Variants in CRACD observed in about 807,000 individuals in gnomAD.
The protein encoded by CRACD is capping protein inhibiting regulator of actin dynamics.
CRACD carries 56 observed loss-of-function variants against 106.8 expected under a neutral mutation model. That is an observed-to-expected ratio of 0.52 (90% confidence interval 0.42 to 0.66). The LOEUF (loss-of-function observed/expected upper bound fraction) is 0.66. CRACD is among the 30% of genes least tolerant of loss of function. The probability of loss-of-function intolerance (pLI) is 0.00; values close to 1 mark genes in which losing one functional copy is unlikely to be tolerated. For synonymous variants in CRACD, 754 were observed against 670.8 expected (o/e 1.12, Z -1.92); for missense variants, 1,730 against 1,623.2 (o/e 1.07, Z -1.13).
At chr4:56,079,684 A>G (rs1448632591) in intron 1 of CRACD, among the ~76,000 whole-genome samples, 2 of 152,094 alleles carry the variant, frequency 1.3e-5, no homozygotes, top group South Asian at 4.1e-4. Flanking sequence ...ACTTCAAGTG[A>G]TCCACCCACC....
intron 1 of CRACD, among the ~76,000 whole-genome samples, chr4:56,135,883 A>G (rs915246411): frequency 3.3e-5 from 5 of 152,188 alleles, no homozygotes; most frequent in African/African-American, 1.2e-4. Context: ...AGACTATTTC[A>G]CTCTCCAAAG....
rs577071192 is a variant in CRACD, at chr4:56,243,789, C to T, written c.-188-28532C>T. On this transcript the variant is annotated intron_variant, in intron 2 of 10. Coordinates refer to ENST00000682029, the MANE Select transcript of CRACD (RefSeq NM_001393381.1). ...GAGTTACAAACAATCCAATTACACT[C>T]TTTAAGTTATTTAAGAATGTACAAT... 1.4e-3 allele frequency among the ~76,000 whole-genome samples: 212 copies of T among 152,266 alleles called. 5 individuals carry two copies. The highest frequency in any genetic ancestry group is 4.4e-4 in the Non-Finnish European group (30 of 68,030).
chr4:56,202,152 G>A (rs1344226918), intron 2 of CRACD, among the ~76,000 whole-genome samples: 1 of 152,114 alleles, frequency 6.6e-6, no homozygotes, highest in Non-Finnish European at 1.5e-5. Flanking sequence ...TTATGTGTAG[G>A]GAAACTGGGG....
intron 1 of CRACD, among the ~76,000 whole-genome samples, chr4:56,102,419 T>A (rs1733801916): frequency 1.3e-5 from 2 of 152,090 alleles, no homozygotes; most frequent in South Asian, 4.1e-4. Flanking sequence ...AATGAGGAAA[T>A]GGGGGTAGAG....
At chr4:56,147,162 GT>G (rs1735416853) in intron 1 of CRACD, among the ~76,000 whole-genome samples, 1 of 152,084 alleles carries the variant, frequency 6.6e-6, no homozygotes, top group Admixed American at 6.6e-5. Context: ...TGCCTGGTTT[GT>G]TTCAAAATTG....
At chr4:56,319,815 G>A (rs540961455) in intron 8 of CRACD, among the ~76,000 whole-genome samples, 2 of 152,262 alleles carry the variant, frequency 1.3e-5, no homozygotes, top group South Asian at 4.1e-4. Flanking sequence ...GACTTGTAGG[G>A]TGTTGACTCT....
chr4:56,302,590 A>G (rs887077127), intron 4 of CRACD, among the ~76,000 whole-genome samples: 2 of 152,146 alleles, frequency 1.3e-5, no homozygotes, highest in Non-Finnish European at 1.5e-5. Context: ...CAAAGAATAA[A>G]CACCCGCTCT....
chr4:56,321,387 A>T (rs1380436088), intron 8 of CRACD: 1 of 153,036 alleles, frequency 6.5e-6, no homozygotes, highest in Non-Finnish European at 1.5e-5. Flanking sequence ...GTCAATTATA[A>T]ATTTCATTAC....
intron 3 of CRACD, among the ~76,000 whole-genome samples, chr4:56,290,602 G>T (rs1264093540): frequency 6.6e-6 from 1 of 152,184 alleles, no homozygotes. Context: ...CCAAAAGCTG[G>T]TATCTTTGGG....
chr4:56,286,080 G>T (rs1323905601), intron 3 of CRACD, among the ~76,000 whole-genome samples: 1 of 152,042 alleles, frequency 6.6e-6, no homozygotes, highest in African/African-American at 2.4e-5. Context: ...TTCTGAGCTG[G>T]CAAATTAACT....
intron 4 of CRACD, among the ~76,000 whole-genome samples, chr4:56,299,640 T>C (rs1171864893): frequency 6.7e-6 from 1 of 149,868 alleles, no homozygotes; most frequent in African/African-American, 2.5e-5. Context: ...ACTGCATGCC[T>C]TCCTGGGTGA....
chr4:56,296,714 G>A (rs540041541), intron 3 of CRACD, among the ~76,000 whole-genome samples: 1 of 152,264 alleles, frequency 6.6e-6, no homozygotes, highest in African/African-American at 2.4e-5. Context: ...TCCCCTCCAA[G>A]TGCTGCCTGT....
At chr4:56,154,247 C>T (rs1735688666) in intron 1 of CRACD, among the ~76,000 whole-genome samples, 1 of 152,060 alleles carries the variant, frequency 6.6e-6, no homozygotes, top group Non-Finnish European at 1.5e-5. Context: ...AGGTGGATCA[C>T]TTGAGCCCCA....
In CRACD at chr4:56,136,023, C is replaced by CT. The variant is rs879266299; in HGVS notation, c.-335-43250dup. ...TAAGTGGAGTTATACAGTATGTACT[C>CT]TTTTTTTTTTTGGTGGAGCTTTTTT... On this transcript the variant is annotated intron_variant, in intron 1 of 10. Coordinates refer to ENST00000682029, the MANE Select transcript of CRACD (RefSeq NM_001393381.1). Among the ~76,000 whole-genome samples, 567 of 144,706 alleles carry CT rather than the reference C, an allele frequency of 3.9e-3. 5 individuals carry two copies. The highest frequency in any genetic ancestry group is 0.017 in the East Asian group (86 of 4,952). The allele number at this position is 144,706 out of a possible 152,430, so 94.9% of individuals were successfully genotyped here.
At chr4:56,137,746 G>A (rs1319684637) in intron 1 of CRACD, among the ~76,000 whole-genome samples, 8 of 152,296 alleles carry the variant, frequency 5.3e-5, no homozygotes, top group South Asian at 2.1e-4. Context: ...CCAGCTACTC[G>A]GAAGGCTGAG....
intron 1 of CRACD, among the ~76,000 whole-genome samples, chr4:56,122,402 A>G (rs1160116125): frequency 6.6e-6 from 1 of 152,112 alleles, no homozygotes; most frequent in Non-Finnish European, 1.5e-5. Flanking sequence ...ATTTGCAAAA[A>G]TTAAAACCTC....
Position 56,259,501 on chromosome 4 carries a change from C to T in CRACD, c.-188-12820C>T, listed in dbSNP as rs138961558. On this transcript the variant is annotated intron_variant, in intron 2 of 10. Transcript: ENST00000682029. ...AAAGCACTAAGTAGGAGGTGGGGAA[C>T]AGGGGGAAAGGAGGAAAAAGAAAAG... is the stretch of plus-strand genomic sequence containing the variant. 6.1e-3 allele frequency among the ~76,000 whole-genome samples: 930 copies of T among 152,042 alleles called. 1 individual carries two copies. The highest frequency in any genetic ancestry group is 8.4e-3 in the Admixed American group (128 of 15,262).
intron 1 of CRACD, among the ~76,000 whole-genome samples, chr4:56,160,915 T>C (rs1735929207): frequency 6.6e-6 from 1 of 152,226 alleles, no homozygotes; most frequent in Non-Finnish European, 1.5e-5. Flanking sequence ...GTTTCCTCAG[T>C]ACCTTTTATC....
chr4:56,181,119 A>G (rs7693318), intron 2 of CRACD, among the ~76,000 whole-genome samples: 3,850 of 152,316 alleles, frequency 0.025, 172 homozygotes, highest in African/African-American at 0.088. Context: ...TAATGCATAT[A>G]ATAAACACGT....
Sources: allele counts gnomAD v4.1 joint callset (sites outside exome capture counted in the v4.1 genomes callset), GRCh38; gene constraint gnomAD v4.1.1; transcripts MANE v1.5; gene names NCBI Gene and HGNC (gene_info 2026-07-23, HGNC 2026-07-21).